Variants in TRPC4 observed in about 807,000 individuals in gnomAD.
TRPC4 encodes short transient receptor potential channel 4.
TRPC4 carries 49 observed loss-of-function variants against 99.4 expected under a neutral mutation model. The observed-to-expected ratio is 0.49, with a 90% CI of 0.39 to 0.63. The LOEUF (loss-of-function observed/expected upper bound fraction) is 0.63, where lower values mean the gene tolerates loss of function less well. Among genes scored for constraint, TRPC4 ranks in the 20% least tolerant of loss-of-function variants. The pLI is 0.00. For missense variants in TRPC4, 898 were observed against 1,152.9 expected (o/e 0.78, Z 3.20); for synonymous variants, 454 against 425.9 (o/e 1.07, Z -0.81).
intron 1 of TRPC4, among the ~76,000 whole-genome samples, chr13:37,831,296 A>G (rs951061269): frequency 2.0e-5 from 3 of 152,194 alleles, no homozygotes; most frequent in Non-Finnish European, 4.4e-5. Flanking sequence ...GCTCAATATC[A>G]CTAATATCAG....
At chr13:37,786,330 AC>A (rs1956969430) in intron 1 of TRPC4, among the ~76,000 whole-genome samples, 4 of 140,814 alleles carry the variant, frequency 2.8e-5, no homozygotes, top group African/African-American at 1.0e-4. Context: ...ACACACACAC[AC>A]ACGTAGAGAA....
At chr13:37,655,853 C>T (rs542573756) in intron 6 of TRPC4, among the ~76,000 whole-genome samples, 343 of 152,212 alleles carry the variant, frequency 2.3e-3, no homozygotes, top group Admixed American at 5.7e-3. Flanking sequence ...TGTCCTAGGG[C>T]ACTAAGTCAT....
At chr13:37,817,587 A>T (rs138549819) in intron 1 of TRPC4, among the ~76,000 whole-genome samples, 6 of 151,650 alleles carry the variant, frequency 4.0e-5, no homozygotes, top group African/African-American at 1.4e-4. Context: ...AGGAAAACAA[A>T]CAAACAAACA....
chr13:37,831,702 A>G (rs1315543986), intron 1 of TRPC4, among the ~76,000 whole-genome samples: 1 of 152,240 alleles, frequency 6.6e-6, no homozygotes, highest in Non-Finnish European at 1.5e-5. Flanking sequence ...ACCATTCAGC[A>G]TTATAAAAAG....
intron 1 of TRPC4, among the ~76,000 whole-genome samples, chr13:37,825,228 T>C (rs564851202): frequency 3.3e-5 from 5 of 152,232 alleles, no homozygotes; most frequent in African/African-American, 9.6e-5. Flanking sequence ...AACCAGCTCC[T>C]GGATTCATTA....
intron 1 of TRPC4, among the ~76,000 whole-genome samples, chr13:37,842,585 T>C (rs1958775407): frequency 6.6e-6 from 1 of 152,130 alleles, no homozygotes; most frequent in Admixed American, 6.6e-5. Flanking sequence ...TAGCGGCAAG[T>C]CTGGTGAGGC....
chr13:37,828,633 C>G (rs1205992013), intron 1 of TRPC4, among the ~76,000 whole-genome samples: 2 of 152,132 alleles, frequency 1.3e-5, no homozygotes, highest in Non-Finnish European at 2.9e-5. Context: ...ACATATTCAC[C>G]ATGGAATACT....
At chr13:37,665,193 T>C (rs1032698087) in intron 5 of TRPC4, among the ~76,000 whole-genome samples, 30 of 152,150 alleles carry the variant, frequency 2.0e-4, no homozygotes, top group Admixed American at 2.0e-3. Context: ...AAGATCACAT[T>C]GTCCTTCCTT....
intron 2 of TRPC4, among the ~76,000 whole-genome samples, chr13:37,780,409 C>T (rs1048995372): frequency 4.6e-5 from 7 of 151,934 alleles, no homozygotes; most frequent in African/African-American, 1.7e-4. Context: ...TATCATTTGG[C>T]CTCAATGACC....
intron 3 of TRPC4, among the ~76,000 whole-genome samples, chr13:37,715,864 A>G (rs535114340): frequency 7.9e-5 from 12 of 152,308 alleles, no homozygotes; most frequent in African/African-American, 2.9e-4. Flanking sequence ...TTGTAACTGT[A>G]TATGGAGGTT....
At chr13:37,718,913 G>A (rs1361069219) in intron 3 of TRPC4, among the ~76,000 whole-genome samples, 1 of 151,806 alleles carries the variant, frequency 6.6e-6, no homozygotes, top group Non-Finnish European at 1.5e-5. Flanking sequence ...TAAATTTACG[G>A]AATCAAGAAG....
intron 3 of TRPC4, among the ~76,000 whole-genome samples, chr13:37,741,933 T>TG (rs1555265182): frequency 1.4e-5 from 1 of 71,242 alleles, no homozygotes; most frequent in Non-Finnish European, 2.7e-5. Flanking sequence ...GATTTTTTCA[T>TG]GAAAAAAAAA....
At chr13:37,736,753 GGGT>G (rs1955406546) in intron 3 of TRPC4, among the ~76,000 whole-genome samples, 1 of 151,888 alleles carries the variant, frequency 6.6e-6, no homozygotes. Flanking sequence ...TTTTGAGACA[GGGT>G]CTCACTCTGT....
intron 1 of TRPC4, among the ~76,000 whole-genome samples, chr13:37,856,140 TAA>T (rs1461290470): frequency 1.3e-5 from 2 of 151,376 alleles, no homozygotes; most frequent in African/African-American, 4.8e-5. Flanking sequence ...CTGGCCTGAC[TAA>T]GAGAGAAGAT....
intron 1 of TRPC4, among the ~76,000 whole-genome samples, chr13:37,851,726 G>A (rs1156705686): frequency 6.6e-6 from 1 of 152,182 alleles, no homozygotes; most frequent in East Asian, 1.9e-4. Context: ...ATCATTGAAA[G>A]AGGCATTGAG....
At chr13:37,745,458 A>ATATATATATATGCGTG (rs1490430436) in intron 3 of TRPC4, among the ~76,000 whole-genome samples, 584 of 6,544 alleles carry the variant, frequency 0.089, 8 homozygotes, top group Non-Finnish European at 0.17. Context: ...ATATATATAT[A>ATATATATATATGCGTG]TATATATATA....
At chr13:37,680,770 T>C (rs1383350913) in intron 4 of TRPC4, among the ~76,000 whole-genome samples, 1 of 152,214 alleles carries the variant, frequency 6.6e-6, no homozygotes, top group Non-Finnish European at 1.5e-5. Context: ...AGGCTGTCTT[T>C]AAGCCAGAGA....
chr13:37,820,598 T>A (rs994950559), intron 1 of TRPC4, among the ~76,000 whole-genome samples: 1 of 152,090 alleles, frequency 6.6e-6, no homozygotes, highest in African/African-American at 2.4e-5. Flanking sequence ...AATGATCAAG[T>A]AGGCTTTATC....
chr13:37,683,915 T>C (rs1469605238), intron 4 of TRPC4, among the ~76,000 whole-genome samples: 2 of 152,196 alleles, frequency 1.3e-5, no homozygotes, highest in Non-Finnish European at 2.9e-5. Flanking sequence ...TTTAAATAAC[T>C]TGAAATTTCA....
Sources: allele counts gnomAD v4.1 joint callset (sites outside exome capture counted in the v4.1 genomes callset), GRCh38; gene constraint gnomAD v4.1.1; transcripts MANE v1.5; gene names NCBI Gene and HGNC (gene_info 2026-07-23, HGNC 2026-07-21).